SREBF1: variants seen among roughly 807,000 people sequenced by gnomAD.
The protein encoded by SREBF1 is sterol regulatory element-binding protein 1.
Under a neutral mutation model 100.1 loss-of-function variants are expected in SREBF1, and 45 were observed. That is an observed-to-expected ratio of 0.45 (90% CI 0.35 to 0.58). SREBF1 has a LOEUF of 0.58. Among genes scored for constraint, SREBF1 ranks in the 20% least tolerant of loss-of-function variants. The pLI is 0.00. For synonymous variants in SREBF1, 657 were observed against 681.8 expected, an observed-to-expected ratio of 0.96 and a Z score of 0.57; for missense variants, 1,324 against 1,539.4, an observed-to-expected ratio of 0.86 and a Z score of 2.34.
At position 17,812,165 on chromosome 17, in the gene SREBF1, T is replaced by G. The variant is rs2032938499; in HGVS notation, c.*457A>C. ...CAAAAGGCAAAGTAGCACAGGAGCC[T>G]CAGGTCAGGAGGCTAAGCACGCTGA... On this transcript the variant is annotated 3_prime_UTR_variant, in exon 19 of 19. Transcript: ENST00000261646. 2 of 431,956 alleles carry G rather than the reference T, an allele frequency of 4.6e-6. No individual in the cohort carries two copies. Among genetic ancestry groups the G allele is most frequent in the African/African-American group, 4.2e-5 (2 of 47,850 alleles). 26.8% of individuals were successfully genotyped at this position (431,956 alleles called of 1,614,324 possible). A position where few individuals can be genotyped will look rare whatever the true frequency, so the allele number is the denominator to read the frequency against.
Position 17,835,374 on chromosome 17 carries a change from G to T in SREBF1, c.91+1353C>A, listed in dbSNP as rs569265623. ...GTTTTGGAAAAGCCTCACAATCAGGGCCTCTCCTCTGGGGTCCTCCCCTAG... is the reference window on the plus strand; with the variant it reads ...GTTTTGGAAAAGCCTCACAATCAGGTCCTCTCCTCTGGGGTCCTCCCCTAG... On this transcript the variant is annotated intron_variant, in intron 1 of 18. Transcript: ENST00000261646. Among the ~76,000 whole-genome samples, 3 of 152,296 alleles carry T rather than the reference G, an allele frequency of 2.0e-5. 1 individual carries two copies. The South Asian group carries it at 6.2e-4, about 32-fold the overall frequency.
At chr17:17,820,758 T>G in intron 1 of SREBF1, 1 of 569,444 alleles carries the variant, frequency 1.8e-6, no homozygotes, top group Non-Finnish European at 3.2e-6. Flanking sequence ...TGCATCACAA[T>G]ACCTGGACAA....
chr17:17,816,224 C>A lies in SREBF1; in HGVS notation c.2197G>T (p.Ala733Ser), dbSNP rs1307320817. Residue 733 changes from alanine to serine, a missense_variant, in exon 11 of 19, where the codon GCC (alanine) becomes TCC (serine). By Grantham distance (99) the Ala-to-Ser change is moderately conservative. Coordinates refer to ENST00000261646, the MANE Select transcript of SREBF1 (RefSeq NM_004176.5). ...ALRVKTSLPRALHFLTRFFLS... is the reference protein window; with the variant it reads ...ALRVKTSLPRSLHFLTRFFLS... ...CCACTCACTGTCAGAAAATGCAAGGCCCGTGGGAGACTGGTCTTCACTCTC... is the reference window on the plus strand; with the variant it reads ...CCACTCACTGTCAGAAAATGCAAGGACCGTGGGAGACTGGTCTTCACTCTC... 2 of 1,601,322 alleles carry A rather than the reference C, an allele frequency of 1.2e-6. No homozygotes were observed. Among genetic ancestry groups the A allele is most frequent in the East Asian group, 2.3e-5 (1 of 44,364 alleles).
intron 1 of SREBF1, among the ~76,000 whole-genome samples, chr17:17,832,106 G>T (rs970092584): frequency 6.6e-6 from 1 of 152,172 alleles, no homozygotes; most frequent in African/African-American, 2.4e-5. Context: ...CAGTGCTTAA[G>T]AGCTTAAGAG....
At chr17:17,823,458 A>C in intron 1 of SREBF1, 50 of 1,164,042 alleles carry the variant, frequency 4.3e-5, no homozygotes, top group Non-Finnish European at 5.7e-5. Flanking sequence ...CCACCCCAGG[A>C]GAACCTGCAG....
chr17:17,822,213 GTCTCTCT>G (rs1361293834), intron 1 of SREBF1, among the ~76,000 whole-genome samples: 2 of 152,214 alleles, frequency 1.3e-5, no homozygotes, highest in African/African-American at 4.8e-5. Flanking sequence ...CAAATCTATT[GTCTCTCT>G]GCCTTTTCTT....
At position 17,817,698 on chromosome 17, in the gene SREBF1, T is replaced by G. The variant is rs2143014134; in HGVS notation, c.1402A>C (p.Lys468Gln). Residue 468 changes from lysine to glutamine, a missense_variant and splice_region_variant, in exon 7 of 19, where the codon AAG becomes CAG. Lys to Gln is a moderately conservative substitution (Grantham distance 53, BLOSUM62 1). Coordinates refer to ENST00000261646, the MANE Select transcript of SREBF1 (RefSeq NM_004176.5). The surrounding 1 kb of genome is among the most constrained non-coding windows in gnomAD (Gnocchi z 6.6). ...EPDSPVFEDS[K>Q]AKPEQRPSLH... is the part of the protein sequence containing the mutation. ...GGGGCACCGTGGCAGGGCCCAACCT[T>G]GCTGTCCTCAAAGACTGGGCTGTCA... 6.2e-7 allele frequency: 1 copy of G among 1,613,070 alleles called. No homozygotes were observed. The highest frequency in any genetic ancestry group is 2.2e-5 in the East Asian group (1 of 44,860).
At position 17,820,258 on chromosome 17, in the gene SREBF1, C is replaced by T. The variant is rs762597613; in HGVS notation, c.355G>A (p.Gly119Arg). 31 of 1,613,740 alleles carry T rather than the reference C, an allele frequency of 1.9e-5. No homozygotes were observed. The highest frequency in any genetic ancestry group is 2.5e-5 in the Non-Finnish European group (30 of 1,179,996). ...ACTGACTCTTCCTTGATACCAGGCC[C>T]AGGGGAGAAAGCGGGCATGGACGGG... ...MYPSMPAFSP[G>R]PGIKEESVPL... Residue 119 changes from glycine to arginine, a missense_variant, in exon 2 of 19, where the codon GGG (glycine) becomes AGG (arginine). Coordinates refer to ENST00000261646, the MANE Select transcript of SREBF1 (RefSeq NM_004176.5).
chr17:17,824,859 C>T lies in SREBF1; in HGVS notation c.92-4338G>A, dbSNP rs573074285. Among the ~76,000 whole-genome samples, 1 of 152,326 alleles carries T rather than the reference C, an allele frequency of 6.6e-6. No homozygotes were observed. The highest frequency in any genetic ancestry group is 2.4e-5 in the African/African-American group (1 of 41,574). On this transcript the variant is annotated intron_variant, in intron 1 of 18. Coordinates refer to ENST00000261646, the MANE Select transcript of SREBF1 (RefSeq NM_004176.5). The surrounding 1 kb of genome is among the most constrained non-coding windows in gnomAD (Gnocchi z 4.2). ...AACCCAGCCATGTCTCTCTCGCAACCTGTCCTCGCCACCGCCGTCCAGCCC... is the reference window on the plus strand; with the variant it reads ...AACCCAGCCATGTCTCTCTCGCAACTTGTCCTCGCCACCGCCGTCCAGCCC...
intron 13 of SREBF1, 58 bp downstream of exon 13, chr17:17,815,163 C>G: frequency 6.6e-7 from 1 of 1,514,418 alleles, no homozygotes; most frequent in Non-Finnish European, 9.2e-7. Flanking sequence ...GAGGCCAGAG[C>G]TATTCTCAGA....
rs889906966 is a variant in SREBF1 at position 17,815,776 on chromosome 17, C to T, written c.2383+84G>A. 10 of 1,427,712 alleles carry T rather than the reference C, an allele frequency of 7.0e-6. No homozygotes were observed. The Admixed American group carries it at 1.2e-4, about 17-fold the overall frequency. The allele number at this position is 1,427,712 out of a possible 1,614,324, so 88.4% of individuals were successfully genotyped here. The stretch of plus-strand genomic sequence containing the variant: ...GGAGAAGGACTGGGGTGGCCAGAGA[C>T]AGCCAGAGATTCAGGCGACAAGGGA... On this transcript the variant is annotated intron_variant, in intron 12 of 18. Coordinates refer to ENST00000261646, the MANE Select transcript of SREBF1 (RefSeq NM_004176.5).
In SREBF1 at chr17:17,829,239, TACAC is replaced by T. The variant is rs144842792; in HGVS notation, c.91+7484_91+7487del. Among the ~76,000 whole-genome samples the T allele has an allele frequency of 1.1e-3, 137 of 123,138 alleles. 1 individual carries two copies. Among genetic ancestry groups the T allele is most frequent in the Non-Finnish European group, 1.6e-3 (101 of 63,490 alleles). The allele number at this position is 123,138 out of a possible 152,430, so 80.8% of individuals were successfully genotyped here. On this transcript the variant is annotated intron_variant, in intron 1 of 18. Coordinates refer to ENST00000261646, the MANE Select transcript of SREBF1 (RefSeq NM_004176.5). ...ATATATATATATATATATATATGTA[TACAC>T]ACACACACACACACTCACACATACA...
chr17:17,836,391 A>C (rs1222070077), intron 1 of SREBF1, among the ~76,000 whole-genome samples: 1 of 152,214 alleles, frequency 6.6e-6, no homozygotes, highest in Non-Finnish European at 1.5e-5. Flanking sequence ...CTGGGTCCCC[A>C]GCTTCAGCCG....
At chr17:17,835,157 T>G (rs950386661) in intron 1 of SREBF1, among the ~76,000 whole-genome samples, 6 of 152,014 alleles carry the variant, frequency 3.9e-5, no homozygotes, top group African/African-American at 1.2e-4. Context: ...GTGTCCAGGT[T>G]CAAGTTCTGA....
In SREBF1 at chr17:17,815,339, G is replaced by A. The variant is rs759425163; in HGVS notation, c.2384-10C>T. On this transcript the variant is annotated splice_polypyrimidine_tract_variant and intron_variant, in intron 12 of 18. Transcript: ENST00000261646. ...TGGGCCAGGGGGTCCACTGTGGAGA[G>A]GAGGAGGTGAGTGGGGTGGGGAGCA... is the stretch of plus-strand genomic sequence containing the variant. 1.2e-6 allele frequency: 2 copies of A among 1,610,694 alleles called. No individual in the cohort carries two copies. The highest frequency in any genetic ancestry group is 8.5e-7 in the Non-Finnish European group (1 of 1,177,504).
rs753476023 is a variant in SREBF1 at position 17,813,275 on chromosome 17, GACAC to G, written c.3214+89_3214+92del. On this transcript the variant is annotated intron_variant, in intron 18 of 18. Transcript: ENST00000261646. ...TGCGCCAGGCCTGTCTGTCCCGTCT[GACAC>G]ACACACAGCCTCCCTTGGTATCACA... The G allele has an allele frequency of 8.4e-6, 11 of 1,310,218 alleles. No individual in the cohort carries two copies. In the East Asian group the frequency reaches 2.8e-4, roughly 33 times the overall value. 81.2% of individuals were successfully genotyped at this position (1,310,218 alleles called of 1,614,324 possible).
intron 1 of SREBF1, among the ~76,000 whole-genome samples, chr17:17,826,367 G>C (rs1192006537): frequency 6.6e-6 from 1 of 151,012 alleles, no homozygotes; most frequent in African/African-American, 2.4e-5. Flanking sequence ...ATTTAAGGAA[G>C]AGCCTCTCTT....
In SREBF1 at chr17:17,820,541, G is replaced by T. The variant is rs1245473531; in HGVS notation, c.92-20C>A. ...GCATGTCTGTGAAAAGGAGAAGAGG[G>T]TGCGTGAGTGAGGCAGAGACTGACC... On this transcript the variant is annotated intron_variant, in intron 1 of 18. Coordinates refer to ENST00000261646, the MANE Select transcript of SREBF1 (RefSeq NM_004176.5). 6.2e-7 allele frequency: 1 copy of T among 1,611,978 alleles called. No homozygotes were observed. Among genetic ancestry groups the T allele is most frequent in the East Asian group, 2.2e-5 (1 of 44,882 alleles).
Position 17,817,846 on chromosome 17 carries a change from C to A in SREBF1, c.1254G>T (p.Lys418Asn). 1 of 1,608,832 alleles carries A rather than the reference C, an allele frequency of 6.2e-7. No homozygotes were observed. Among genetic ancestry groups the A allele is most frequent in the Non-Finnish European group, 8.5e-7 (1 of 1,179,996 alleles). The change falls in exon 7 of 19, where the codon AAG becomes AAT. Residue 418 changes from lysine to asparagine, a missense_variant. By Grantham distance (94) the Lys-to-Asn change is moderately conservative (BLOSUM62 0). Coordinates refer to ENST00000261646, the MANE Select transcript of SREBF1 (RefSeq NM_004176.5). This position sits in a 1 kb window ranked among gnomAD's most constrained non-coding sequence, Gnocchi z 6.6. ...GNTDVLMEGV[K>N]TEVEDTLTPP... is the part of the protein sequence containing the mutation. Reference sequence around the variant, plus strand: ...GGGTCAGTGTGTCCTCCACCTCAGTCTTCACGCCCTCCATGAGCACGTCTG... The same window carrying A: ...GGGTCAGTGTGTCCTCCACCTCAGTATTCACGCCCTCCATGAGCACGTCTG...
Sources: allele counts gnomAD v4.1 joint callset (sites outside exome capture counted in the v4.1 genomes callset), GRCh38; gene constraint gnomAD v4.1.1; non-coding constraint Gnocchi (gnomAD v3.1); transcripts MANE v1.5; gene names NCBI Gene and HGNC (gene_info 2026-07-23, HGNC 2026-07-21).